BICRAL: variants seen among roughly 807,000 people sequenced by gnomAD.
BICRAL encodes BICRA like chromatin remodeling complex associated protein, also known as BRD4-interacting chromatin-remodeling complex-associated protein-like.
In BICRAL, 8 loss-of-function variants were observed where a neutral mutation model predicts 91.8. The observed-to-expected ratio is 0.09, with a 90% CI of 0.05 to 0.16. The LOEUF is 0.16. Among genes scored for constraint, BICRAL ranks in the 10% least tolerant of loss-of-function variants. The pLI is 1.00. For missense variants in BICRAL, 1,038 were observed against 1,310.9 expected (o/e 0.79, Z 3.21); for synonymous variants, 445 against 491.1 (o/e 0.91, Z 1.24).
intron 1 of BICRAL, among the ~76,000 whole-genome samples, chr6:42,751,953 G>A (rs537740241): frequency 7.3e-5 from 11 of 151,490 alleles, no homozygotes; most frequent in African/African-American, 2.7e-4. Context: ...CACCGCGCCC[G>A]GCCAAGCCCC....
rs768792031 is a variant in BICRAL, at chr6:42,860,301, A to G, written c.2294A>G (p.Lys765Arg). ...EFETVATQLL[K>R]RTQAMLNKYR... Reference sequence around the variant, plus strand: ...GAGACAGTTGCCACTCAGCTCCTAAAAAGGACCCAAGCTATGCTTAACAAA... The same window carrying G: ...GAGACAGTTGCCACTCAGCTCCTAAGAAGGACCCAAGCTATGCTTAACAAA... Residue 765 changes from lysine to arginine, a missense_variant, in exon 11 of 13, where the codon AAA becomes AGA. Transcript: ENST00000314073. 2 of 1,611,544 alleles carry G rather than the reference A, an allele frequency of 1.2e-6. No individual in the cohort carries two copies. The highest frequency in any genetic ancestry group is 3.3e-5 in the Admixed American group (2 of 59,990).
chr6:42,758,028 G>C (rs1284835628), intron 1 of BICRAL, among the ~76,000 whole-genome samples: 1 of 152,076 alleles, frequency 6.6e-6, no homozygotes, highest in African/African-American at 2.4e-5. Context: ...TTCCAAACGG[G>C]GGATCAGAGC....
chr6:42,796,844 C>T (rs942037180), intron 1 of BICRAL, among the ~76,000 whole-genome samples: 4 of 151,828 alleles, frequency 2.6e-5, no homozygotes, highest in Non-Finnish European at 4.4e-5. Context: ...GTCAGGAGTT[C>T]GAGACCAGCC....
chr6:42,862,521 C>A lies in BICRAL; in HGVS notation c.2361C>A (p.Pro787=). 1 of 1,602,980 alleles carries A rather than the reference C, an allele frequency of 6.2e-7. No individual in the cohort carries two copies. The highest frequency in any genetic ancestry group is 8.5e-7 in the Non-Finnish European group (1 of 1,170,086). ...LLLEDAMRIN[P]SAEMVMIDRM... is the part of the protein sequence containing the mutation. ...TCTCTCTTTTTCAGCGAATCAATCC[C>A]TCTGCTGAGATGGTGATGATCGATA... The change falls in exon 12 of 13, where the codon CCC becomes CCA. Residue 787 remains proline, a synonymous_variant. Coordinates refer to ENST00000314073, the MANE Select transcript of BICRAL (RefSeq NM_001393499.1).
rs537165939 is a variant in BICRAL, at chr6:42,774,646, C to G, written c.-260-7193C>G. 1.7e-4 allele frequency among the ~76,000 whole-genome samples: 25 copies of G among 145,728 alleles called. No individual in the cohort carries two copies. In the East Asian group the frequency reaches 3.9e-3, roughly 23 times the overall value. Reference sequence around the variant, plus strand: ...TTTGGAGTATAAGAGTACCTTTGCACAGGGTGTCACTTTTACAGTATTAGG... The same window carrying G: ...TTTGGAGTATAAGAGTACCTTTGCAGAGGGTGTCACTTTTACAGTATTAGG... On this transcript the variant is annotated intron_variant, in intron 1 of 14. Transcript: ENST00000614467.
At chr6:42,773,294 T>G (rs973151479) in intron 1 of BICRAL, among the ~76,000 whole-genome samples, 1 of 151,804 alleles carries the variant, frequency 6.6e-6, no homozygotes, top group Non-Finnish European at 1.5e-5. Flanking sequence ...GCCAGGGTGG[T>G]CTTGAACTCC....
At chr6:42,759,937 A>G (rs1443279705) in intron 1 of BICRAL, among the ~76,000 whole-genome samples, 8 of 152,124 alleles carry the variant, frequency 5.3e-5, no homozygotes, top group Admixed American at 4.6e-4. Flanking sequence ...GGTACACAGT[A>G]AGTGCTTGTT....
At chr6:42,823,690 G>A (rs190982043) in intron 5 of BICRAL, among the ~76,000 whole-genome samples, 9 of 152,176 alleles carry the variant, frequency 5.9e-5, no homozygotes, top group African/African-American at 1.7e-4. Flanking sequence ...TTGGGAGGCC[G>A]AGGCAGGTGG....
chr6:42,782,342 T>G (rs1160852307), intron 1 of BICRAL, among the ~76,000 whole-genome samples: 7 of 104,678 alleles, frequency 6.7e-5, no homozygotes, highest in South Asian at 3.7e-4. Context: ...TTTTTTTTTT[T>G]TGGGGGGGGG....
rs1421638848 is a variant in BICRAL, at chr6:42,792,679, G to A, written c.-102+10578G>A. Among the ~76,000 whole-genome samples the A allele has an allele frequency of 3.3e-5, 5 of 151,882 alleles. 1 individual carries two copies. Among genetic ancestry groups the A allele is most frequent in the Admixed American group, 6.6e-5 (1 of 15,242 alleles). On this transcript the variant is annotated intron_variant, in intron 1 of 12. Transcript: ENST00000314073. ...TTGTAATCCCGCACTTTGGGAGGCC[G>A]AAGTAGGTGAATCACTTGAGGTCAG...
chr6:42,826,302 T>G (rs1003591562), intron 5 of BICRAL, among the ~76,000 whole-genome samples: 6 of 147,846 alleles, frequency 4.1e-5, no homozygotes, highest in Non-Finnish European at 5.9e-5. Flanking sequence ...TGGTGCAATC[T>G]CGGCTCACTG....
At chr6:42,845,248 T>TTTTTTTTTTTTTA (rs761742281) in intron 6 of BICRAL, among the ~76,000 whole-genome samples, 2 of 105,456 alleles carry the variant, frequency 1.9e-5, no homozygotes, top group Non-Finnish European at 3.7e-5. Flanking sequence ...TTTTTTTTTT[T>TTTTTTTTTTTTTA]AGACAGAGTT....
At chr6:42,852,030 A>G in intron 6 of BICRAL, 62 bp from the exon 7 acceptor site, 1 of 1,041,164 alleles carries the variant, frequency 9.6e-7, no homozygotes, top group South Asian at 1.4e-5. Context: ...GTTGGTATTT[A>G]AAATAATCTG....
At chr6:42,825,259 C>CAAAAA (rs398001338) in intron 5 of BICRAL, among the ~76,000 whole-genome samples, 1 of 52,776 alleles carries the variant, frequency 1.9e-5, no homozygotes, top group African/African-American at 6.6e-5. Flanking sequence ...GACTCTGTCT[C>CAAAAA]AAAAAAAAAA....
rs749928297 is a variant in BICRAL at position 42,855,810 on chromosome 6, C to CT, written c.2047-40dup. 7 of 1,475,444 alleles carry CT rather than the reference C, an allele frequency of 4.7e-6. No individual in the cohort carries two copies. In the Admixed American group the frequency reaches 6.8e-5, roughly 14 times the overall value. 91.4% of individuals were successfully genotyped at this position (1,475,444 alleles called of 1,614,324 possible). A position where few individuals can be genotyped will look rare whatever the true frequency, so the allele number is the denominator to read the frequency against. On this transcript the variant is annotated intron_variant, in intron 8 of 12. Coordinates refer to ENST00000314073, the MANE Select transcript of BICRAL (RefSeq NM_001393499.1). ...AGTGACCTTTATGTATAACTGTATTCTTTTTTCTATAAAAGGGAATAATAA... is the reference window on the plus strand; with the variant it reads ...AGTGACCTTTATGTATAACTGTATTCTTTTTTTCTATAAAAGGGAATAATAA...
chr6:42,841,054 G>A (rs1233564836), intron 6 of BICRAL, among the ~76,000 whole-genome samples: 2 of 124,944 alleles, frequency 1.6e-5, no homozygotes, highest in Non-Finnish European at 3.2e-5. Context: ...CAGCCTAGGC[G>A]ACAGAGCAAG....
intron 1 of BICRAL, among the ~76,000 whole-genome samples, chr6:42,770,397 TTTATTA>T (rs1167469084): frequency 7.4e-5 from 10 of 134,718 alleles, no homozygotes; most frequent in South Asian, 2.4e-4. Flanking sequence ...CCCGGCTAAT[TTTATTA>T]TTATTATTAT....
chr6:42,780,900 C>G (rs1316742120), upstream of BICRAL, among the ~76,000 whole-genome samples: 2 of 152,038 alleles, frequency 1.3e-5, no homozygotes, highest in Non-Finnish European at 2.9e-5. Context: ...CCACGCCCAG[C>G]TAATTTTTGT....
intron 1 of BICRAL, among the ~76,000 whole-genome samples, chr6:42,783,235 C>A (rs953058130): frequency 2.0e-5 from 3 of 151,754 alleles, no homozygotes; most frequent in African/African-American, 7.2e-5. Context: ...GCCGAGGATC[C>A]GCGGCCGCGT....
Sources: gnomAD v4.1 joint callset for allele counts (sites outside exome capture counted in the v4.1 genomes callset) on GRCh38, gnomAD v4.1.1 for gene constraint, MANE v1.5 for transcripts, NCBI Gene and HGNC (gene_info 2026-07-23, HGNC 2026-07-21) for gene names.